Variants in KDM3B observed in about 807,000 individuals in gnomAD.
The protein encoded by KDM3B is lysine demethylase 3B.
A neutral mutation model predicts 170.0 loss-of-function variants in KDM3B; 10 were observed. The observed-to-expected ratio is 0.06, with a 90% CI of 0.04 to 0.10. KDM3B has a LOEUF of 0.10. Ranked by LOEUF, KDM3B falls within the 10% of genes least tolerant of loss-of-function variation. KDM3B has a pLI of 1.00. For synonymous variants in KDM3B, 831 were observed against 834.8 expected (o/e 1.00, Z 0.08); for missense variants, 1,394 against 2,195.2 (o/e 0.64, Z 7.29).
rs372771264 is a variant in KDM3B at position 138,375,195 on chromosome 5, C to T, written c.463C>T (p.His155Tyr). 6.2e-7 allele frequency: 1 copy of T among 1,607,230 alleles called. No individual in the cohort carries two copies. Among genetic ancestry groups the T allele is most frequent in the Non-Finnish European group, 8.5e-7 (1 of 1,173,894 alleles). ...LRFLSDANGL[H>Y]LFQMGTDSQN... ...GTTCCTGTCAGATGCCAATGGGTTG[C>T]ATCTGTTTCAGGTATTTAACACTTG... The change falls in exon 3 of 24, where the codon CAT becomes TAT. Residue 155 changes from histidine to tyrosine, a missense_variant. His to Tyr is a moderately conservative substitution (Grantham distance 83). Transcript: ENST00000314358.
intron 19 of KDM3B, 99 bp downstream of exon 19, chr5:138,427,418 G>T: frequency 7.5e-7 from 1 of 1,337,134 alleles, no homozygotes; most frequent in Non-Finnish European, 1.0e-6. Flanking sequence ...AGAGATGATT[G>T]CAGGCAAGTG....
rs1762640708 is a variant in KDM3B, at chr5:138,399,963, TG to T, written c.3154del (p.Val1052SerfsTer29). On this transcript the variant is annotated frameshift_variant, in exon 11 of 24. Transcript: ENST00000314358. LOFTEE classifies it high-confidence loss of function. ...IHWVCRKCGF[G>X]VCLDCYRLRK... ...ACTGGGTTTGTCGCAAATGTGGATT[TG>T]GGGTCTGCCTTGACTGTTACCGGCT... 1 of 1,614,088 alleles carries T rather than the reference TG, an allele frequency of 6.2e-7. No homozygotes were observed. The highest frequency in any genetic ancestry group is 1.3e-5 in the African/African-American group (1 of 74,930).
intron 7 of KDM3B, among the ~76,000 whole-genome samples, chr5:138,388,518 G>A (rs1224340380): frequency 6.6e-6 from 1 of 152,050 alleles, no homozygotes; most frequent in East Asian, 1.9e-4. Flanking sequence ...TGTAGTCTCA[G>A]CTACTCGGGA....
chr5:138,404,484 G>A (rs1377816169), intron 11 of KDM3B, among the ~76,000 whole-genome samples: 1 of 151,838 alleles, frequency 6.6e-6, no homozygotes, highest in African/African-American at 2.4e-5. Flanking sequence ...AAAATTAGCC[G>A]GGTGTGGTGG....
intron 23 of KDM3B, 42 bp downstream of exon 23, chr5:138,431,601 C>T: frequency 6.7e-7 from 1 of 1,502,408 alleles, no homozygotes; most frequent in African/African-American, 1.4e-5. Context: ...CTTCTCATTG[C>T]ATACTCACAT....
At chr5:138,429,743 A>C (rs1451503458) in intron 20 of KDM3B, 83 bp from the exon 21 acceptor site, 2 of 1,467,766 alleles carry the variant, frequency 1.4e-6, no homozygotes, top group Non-Finnish European at 1.9e-6. Context: ...GTAAAACTCA[A>C]TTTATTTAAA....
chr5:138,364,211 A>G (rs1278216168), intron 1 of KDM3B, among the ~76,000 whole-genome samples: 1 of 152,004 alleles, frequency 6.6e-6, no homozygotes, highest in Admixed American at 6.6e-5. Flanking sequence ...AAGCCAGCGC[A>G]CCCAGCCTGT....
intron 15 of KDM3B, 101 bp downstream of exon 15, chr5:138,421,063 C>T (rs1403066698): frequency 2.2e-6 from 3 of 1,352,094 alleles, no homozygotes; most frequent in Non-Finnish European, 3.1e-6. Flanking sequence ...TTTGTGTTCT[C>T]TACATTGTCA....
intron 1 of KDM3B, among the ~76,000 whole-genome samples, chr5:138,356,375 C>G (rs1222876961): frequency 1.3e-5 from 2 of 152,094 alleles, no homozygotes; most frequent in Admixed American, 1.3e-4. Flanking sequence ...TTCTCTTTAC[C>G]CTTGCCTTCA....
intron 15 of KDM3B, among the ~76,000 whole-genome samples, chr5:138,422,372 C>T (rs1282682077): frequency 2.6e-5 from 4 of 152,178 alleles, no homozygotes; most frequent in Non-Finnish European, 5.9e-5. Context: ...CACAGTGGCT[C>T]ACACCTGTAA....
At chr5:138,396,685 C>T (rs1237399335) in intron 9 of KDM3B, among the ~76,000 whole-genome samples, 20 of 151,850 alleles carry the variant, frequency 1.3e-4, no homozygotes, top group Non-Finnish European at 7.4e-5. Context: ...GTGGTAGTGT[C>T]GTGGTGGGAG....
At chr5:138,371,607 A>T (rs1395239886) in intron 1 of KDM3B, among the ~76,000 whole-genome samples, 3 of 152,190 alleles carry the variant, frequency 2.0e-5, no homozygotes, top group African/African-American at 7.2e-5. Context: ...AGAAGAAAGC[A>T]TTGTTGTGAC....
intron 6 of KDM3B, among the ~76,000 whole-genome samples, chr5:138,385,020 T>C (rs1405498449): frequency 6.6e-6 from 1 of 151,428 alleles, no homozygotes; most frequent in Non-Finnish European, 1.5e-5. Flanking sequence ...GTTTTTTGTT[T>C]TGTTTTGTTT....
chr5:138,372,586 T>C (rs1580886283), intron 1 of KDM3B, 88 bp from the exon 2 acceptor site: 2 of 1,126,114 alleles, frequency 1.8e-6, no homozygotes, highest in East Asian at 4.8e-5. Flanking sequence ...TAGTCAGTTG[T>C]TCAAAACAGT....
intron 1 of KDM3B, among the ~76,000 whole-genome samples, chr5:138,363,547 A>G (rs1761669258): frequency 1.3e-5 from 2 of 152,068 alleles, no homozygotes; most frequent in Non-Finnish European, 2.9e-5. Context: ...TTATTCTAAT[A>G]ATTTTTTTTT....
intron 3 of KDM3B, among the ~76,000 whole-genome samples, chr5:138,376,722 A>G (rs1384150839): frequency 6.6e-6 from 1 of 151,780 alleles, no homozygotes; most frequent in Non-Finnish European, 1.5e-5. Context: ...AAGAAAAAAA[A>G]AAAAAAAGGC....
At chr5:138,396,093 G>A (rs1042355910) in intron 9 of KDM3B, among the ~76,000 whole-genome samples, 1 of 151,684 alleles carries the variant, frequency 6.6e-6, no homozygotes, top group Non-Finnish European at 1.5e-5. Context: ...CTATGGCAAT[G>A]AGTATAGACA....
intron 23 of KDM3B, among the ~76,000 whole-genome samples, chr5:138,432,230 A>G (rs907184176): frequency 6.6e-6 from 1 of 152,234 alleles, no homozygotes; most frequent in South Asian, 2.1e-4. Flanking sequence ...GCTGCTTCTC[A>G]TAGCAGATTT....
intron 12 of KDM3B, among the ~76,000 whole-genome samples, chr5:138,415,693 T>G (rs1452835094): frequency 6.6e-6 from 1 of 151,582 alleles, no homozygotes; most frequent in Non-Finnish European, 1.5e-5. Context: ...CAAATGACCC[T>G]CCCACCTCGG....
Sources: allele counts gnomAD v4.1 joint callset (sites outside exome capture counted in the v4.1 genomes callset), GRCh38; gene constraint gnomAD v4.1.1; transcripts MANE v1.5; gene names NCBI Gene and HGNC (gene_info 2026-07-23, HGNC 2026-07-21).